STOX2: variants seen among roughly 807,000 people sequenced by gnomAD.
The protein encoded by STOX2 is storkhead-box protein 2.
In STOX2, 28 loss-of-function variants were observed where a neutral mutation model predicts 60.9. The ratio of observed to expected loss-of-function variants is 0.46; its 90% CI spans 0.34 to 0.63. The LOEUF is 0.63. Among genes scored for constraint, STOX2 ranks in the 30% least tolerant of loss-of-function variants. The pLI is 0.01. For synonymous variants in STOX2, 472 were observed against 463.9 expected, an observed-to-expected ratio of 1.02 and a Z score of -0.22; for missense variants, 1,024 against 1,187.7, an observed-to-expected ratio of 0.86 and a Z score of 2.03.
At chr4:183,969,922 A>G (rs1429970064) in intron 1 of STOX2, among the ~76,000 whole-genome samples, 1 of 152,104 alleles carries the variant, frequency 6.6e-6, no homozygotes, top group South Asian at 2.1e-4. Flanking sequence ...ACACCCTGCC[A>G]TGGTTGCAGG....
chr4:183,997,708 T>C (rs1354936400), intron 1 of STOX2, among the ~76,000 whole-genome samples: 1 of 152,088 alleles, frequency 6.6e-6, no homozygotes, highest in African/African-American at 2.4e-5. Context: ...GGATTGGGGA[T>C]GGGAAAGGAG....
intron 1 of STOX2, among the ~76,000 whole-genome samples, chr4:183,952,255 C>T (rs926180308): frequency 1.3e-5 from 2 of 152,128 alleles, no homozygotes; most frequent in Non-Finnish European, 2.9e-5. Flanking sequence ...CTTTGAAAAC[C>T]GTAACACATC....
chr4:183,993,047 TC>T (rs1349255836), intron 1 of STOX2, among the ~76,000 whole-genome samples: 1 of 152,194 alleles, frequency 6.6e-6, no homozygotes, highest in African/African-American at 2.4e-5. Flanking sequence ...TGTTAGTTGT[TC>T]CTATCAGAGA....
intron 1 of STOX2, among the ~76,000 whole-genome samples, chr4:183,822,420 T>C (rs912768334): frequency 3.3e-5 from 5 of 152,212 alleles, no homozygotes; most frequent in Non-Finnish European, 7.3e-5. Flanking sequence ...TACATTGTTA[T>C]ATATAATGAA....
At chr4:183,931,548 C>T (rs1029784011) in intron 1 of STOX2, among the ~76,000 whole-genome samples, 2 of 152,090 alleles carry the variant, frequency 1.3e-5, no homozygotes, top group Non-Finnish European at 2.9e-5. Context: ...TGTCTAGGAA[C>T]AGTGAAAGAC....
rs775880562 is a variant in STOX2 at position 184,011,233 on chromosome 4, G to A, written c.2395G>A (p.Val799Ile). The change falls in exon 3 of 4, where the codon GTA becomes ATA. Residue 799 changes from valine (V) to isoleucine (I), a missense_variant. Physicochemically the swap from Val to Ile is conservative, Grantham distance 29. Transcript: ENST00000308497. The surrounding 1 kb of genome is among the most constrained non-coding windows in gnomAD (Gnocchi z 4.4). ...NTEEEKNRED[V>I]GTMQWLLERE... Reference sequence around the variant, plus strand: ...AGAGGAGGAGAAAAATAGAGAGGACGTAGGCACCATGCAGTGGCTCCTCGA... The same window carrying A: ...AGAGGAGGAGAAAAATAGAGAGGACATAGGCACCATGCAGTGGCTCCTCGA... 4.2e-5 allele frequency: 67 copies of A among 1,612,488 alleles called. No individual in the cohort carries two copies. Among genetic ancestry groups the A allele is most frequent in the African/African-American group, 5.3e-5 (4 of 74,864 alleles).
chr4:183,900,474 T>C (rs1741437914), upstream of STOX2, among the ~76,000 whole-genome samples: 1 of 151,854 alleles, frequency 6.6e-6, no homozygotes, highest in African/African-American at 2.4e-5. Flanking sequence ...GAGGTCAGAA[T>C]ATCAACATTA....
Position 183,906,744 on chromosome 4 carries a change from C to T in STOX2, c.-47C>T, listed in dbSNP as rs946363207. The T allele has an allele frequency of 1.6e-5, 23 of 1,463,680 alleles. No homozygotes were observed. Among genetic ancestry groups the T allele is most frequent in the Non-Finnish European group, 1.9e-5 (21 of 1,101,534 alleles). The allele number at this position is 1,463,680 out of a possible 1,614,324, so 90.7% of individuals were successfully genotyped here. ...ACGGATGAAGGAGCGCGCTGCGCCC[C>T]GGCGCTGAGGCCCCGAGGATCGGGG... On this transcript the variant is annotated 5_prime_UTR_variant, in exon 1 of 4. Coordinates refer to ENST00000308497, the MANE Select transcript of STOX2 (RefSeq NM_020225.3).
intron 1 of STOX2, among the ~76,000 whole-genome samples, chr4:183,880,355 T>G (rs148473436): frequency 2.3e-3 from 343 of 152,248 alleles, no homozygotes; most frequent in Non-Finnish European, 4.1e-3. Flanking sequence ...AAAAGTCTTC[T>G]TTTTCAGTTA....
chr4:184,006,906 C>T (rs548138219), intron 2 of STOX2, among the ~76,000 whole-genome samples: 234 of 145,910 alleles, frequency 1.6e-3, no homozygotes, highest in African/African-American at 5.5e-3. Flanking sequence ...GTCCCAGCTA[C>T]TTGGGAGGCT....
At chr4:183,800,577 T>C (rs537454096) in intron 1 of STOX2, among the ~76,000 whole-genome samples, 6 of 152,328 alleles carry the variant, frequency 3.9e-5, no homozygotes, top group South Asian at 4.1e-4. Flanking sequence ...GAAACGGCCA[T>C]AGAGCCAGAC....
intron 1 of STOX2, among the ~76,000 whole-genome samples, chr4:183,996,924 T>G (rs1370044201): frequency 6.6e-6 from 1 of 152,212 alleles, no homozygotes; most frequent in African/African-American, 2.4e-5. Flanking sequence ...AAAATATTAA[T>G]AAAATTACAG....
At chr4:183,987,086 C>CCTCAG (rs1247916112) in intron 1 of STOX2, among the ~76,000 whole-genome samples, 1 of 152,116 alleles carries the variant, frequency 6.6e-6, no homozygotes, top group Non-Finnish European at 1.5e-5. Context: ...TTATCCGGAT[C>CCTCAG]CTGAGCGGAG....
At chr4:183,941,000 T>TA (rs1230080011) in intron 1 of STOX2, among the ~76,000 whole-genome samples, 2 of 152,244 alleles carry the variant, frequency 1.3e-5, no homozygotes, top group Non-Finnish European at 2.9e-5. Context: ...GGTTTAGATC[T>TA]GTGGTGTGGC....
intron 1 of STOX2, among the ~76,000 whole-genome samples, chr4:183,898,523 G>A (rs1741391415): frequency 6.6e-6 from 1 of 152,194 alleles, no homozygotes; most frequent in Non-Finnish European, 1.5e-5. Flanking sequence ...AGAGGCCTGG[G>A]TTGGTGAGAG....
intron 1 of STOX2, among the ~76,000 whole-genome samples, chr4:183,815,032 C>T (rs959622354): frequency 2.1e-4 from 32 of 151,912 alleles, no homozygotes; most frequent in African/African-American, 7.5e-4. Context: ...CAAGGTTTCG[C>T]TCTGTTGCCC....
At chr4:183,933,605 C>T (rs1742501319) in intron 1 of STOX2, among the ~76,000 whole-genome samples, 1 of 152,034 alleles carries the variant, frequency 6.6e-6, no homozygotes, top group Non-Finnish European at 1.5e-5. Context: ...GCCGGGCTGG[C>T]CTCGAACTCC....
At chr4:183,851,325 G>A (rs1285087118) in intron 1 of STOX2, among the ~76,000 whole-genome samples, 1 of 95,144 alleles carries the variant, frequency 1.1e-5, no homozygotes, top group Non-Finnish European at 2.4e-5. Context: ...GGGAAAGGAT[G>A]AGGGAAAGGA....
intron 2 of STOX2, among the ~76,000 whole-genome samples, chr4:184,005,685 A>G (rs530034396): frequency 6.6e-6 from 1 of 152,328 alleles, no homozygotes; most frequent in East Asian, 1.9e-4. Context: ...TTAAACATCC[A>G]TCACAACCAT....
Sources: allele counts gnomAD v4.1 joint callset (sites outside exome capture counted in the v4.1 genomes callset), GRCh38; gene constraint gnomAD v4.1.1; non-coding constraint Gnocchi (gnomAD v3.1); transcripts MANE v1.5; gene names NCBI Gene and HGNC (gene_info 2026-07-23, HGNC 2026-07-21).